The following PCDHGA1 variants were observed in gnomAD, a reference collection of about 807,000 sequenced individuals.
PCDHGA1 encodes protocadherin gamma subfamily A, 1.
Under a neutral mutation model 58.0 loss-of-function variants are expected in PCDHGA1, and 32 were observed. The observed-to-expected ratio is 0.55, with a 90% CI of 0.42 to 0.74. PCDHGA1 has a LOEUF of 0.74. Ranked by LOEUF, PCDHGA1 falls within the 30% of genes least tolerant of loss-of-function variation. The pLI, the probability that PCDHGA1 is intolerant of heterozygous loss-of-function variation, is 0.00. For missense variants in PCDHGA1, 1,205 were observed against 1,182.3 expected (o/e 1.02, Z -0.28); for synonymous variants, 498 against 501.1 (o/e 0.99, Z 0.08).
chr5:141,366,642 C>T, intron 1 of PCDHGA1: 2 of 1,614,238 alleles, frequency 1.2e-6, no homozygotes, highest in Non-Finnish European at 1.7e-6. Flanking sequence ...CTGATCTTTC[C>T]CCAGCCCAAC....
chr5:141,343,606 G>A (rs746498765), intron 1 of PCDHGA1, among the ~76,000 whole-genome samples: 3 of 152,202 alleles, frequency 2.0e-5, no homozygotes, highest in Non-Finnish European at 4.4e-5. Context: ...ATTAAGGTTA[G>A]TGCATGGATT....
intron 1 of PCDHGA1, among the ~76,000 whole-genome samples, chr5:141,480,796 C>G (rs1007525949): frequency 2.6e-5 from 4 of 152,074 alleles, no homozygotes; most frequent in African/African-American, 7.2e-5. Flanking sequence ...ATTTGAAAAC[C>G]ACAGCTTTGG....
At chr5:141,443,475 G>T (rs994058112) in intron 1 of PCDHGA1, among the ~76,000 whole-genome samples, 1 of 152,148 alleles carries the variant, frequency 6.6e-6, no homozygotes, top group African/African-American at 2.4e-5. Flanking sequence ...GACAGAATTA[G>T]ACCCTGTCCC....
chr5:141,399,799 G>A lies in PCDHGA1; in HGVS notation c.2421+66694G>A, dbSNP rs768345936. The A allele has an allele frequency of 8.7e-6, 14 of 1,613,236 alleles. No homozygotes were observed. The South Asian group carries it at 1.5e-4, about 18-fold the overall frequency. On this transcript the variant is annotated intron_variant, in intron 1 of 3. Transcript: ENST00000517417. The stretch of plus-strand genomic sequence containing the variant: ...CGACCGAAACGACAACGCACCGCGG[G>A]TGCTGTACCCCGCGCTGGGTCCCGA...
At chr5:141,359,008 G>C (rs1212259195) in intron 1 of PCDHGA1, among the ~76,000 whole-genome samples, 1 of 152,230 alleles carries the variant, frequency 6.6e-6, no homozygotes, top group Non-Finnish European at 1.5e-5. Flanking sequence ...ACACAAATTA[G>C]TGTAATTTGA....
rs560662076 is a variant in PCDHGA1, at chr5:141,498,856, C to A, written c.2480+3991C>A. Among the ~76,000 whole-genome samples, 72 of 152,004 alleles carry A rather than the reference C, an allele frequency of 4.7e-4. 2 individuals carry two copies. Among genetic ancestry groups the A allele is most frequent in the African/African-American group, 1.7e-3 (69 of 41,430 alleles). ...GCTGAGGCAGGGGAATCGCTTGAACCCAGGAGGCGGAGGTTGCAGTGAGCT... is the reference window on the plus strand; with the variant it reads ...GCTGAGGCAGGGGAATCGCTTGAACACAGGAGGCGGAGGTTGCAGTGAGCT... On this transcript the variant is annotated intron_variant, in intron 2 of 3. Coordinates refer to ENST00000517417, the MANE Select transcript of PCDHGA1 (RefSeq NM_018912.3).
chr5:141,358,988 G>A (rs1053429010), intron 1 of PCDHGA1, among the ~76,000 whole-genome samples: 1 of 152,196 alleles, frequency 6.6e-6, no homozygotes, highest in African/African-American at 2.4e-5. Context: ...ATTCATGAAT[G>A]CATATGCTTA....
chr5:141,408,973 T>G lies in PCDHGA1; in HGVS notation c.2421+75868T>G, dbSNP rs754120948. 4.3e-5 allele frequency: 70 copies of G among 1,613,718 alleles called. No homozygotes were observed. In the Admixed American group the frequency reaches 6.5e-4, roughly 15 times the overall value. ...TTAGTCTTAGTGAAAATCTGCCCCC[T>G]GGGTCCCCTGTGTTGCAAGTGACAG... On this transcript the variant is annotated intron_variant, in intron 1 of 3. Transcript: ENST00000517417.
At chr5:141,372,031 T>G in intron 1 of PCDHGA1, 3 of 1,613,434 alleles carry the variant, frequency 1.9e-6, no homozygotes, top group Non-Finnish European at 2.5e-6. Context: ...AGCGCCAACG[T>G]GAGCCTGCGC....
chr5:141,389,177 C>T, intron 1 of PCDHGA1: 1 of 1,614,052 alleles, frequency 6.2e-7, no homozygotes. Context: ...CTCCCCTCTC[C>T]TCCAGTTCCA....
chr5:141,372,406 T>C, intron 1 of PCDHGA1: 7 of 1,614,058 alleles, frequency 4.3e-6, no homozygotes, highest in Non-Finnish European at 5.9e-6. Flanking sequence ...TTGCAAGAGA[T>C]ACAACCTGAC....
intron 1 of PCDHGA1, chr5:141,370,714 A>C: frequency 6.2e-7 from 1 of 1,613,830 alleles, no homozygotes. Context: ...CTGGAATTTG[A>C]AATGGTTGCT....
chr5:141,427,355 C>A (rs765449381), intron 1 of PCDHGA1: 9 of 457,430 alleles, frequency 2.0e-5, no homozygotes, highest in Non-Finnish European at 3.5e-5. Context: ...TAACTGAGGA[C>A]GCAGAACCCT....
In PCDHGA1 at chr5:141,485,457, T is replaced by G; in HGVS notation, c.2422-9350T>G. 1 of 1,614,124 alleles carries G rather than the reference T, an allele frequency of 6.2e-7. No individual in the cohort carries two copies. Among genetic ancestry groups the G allele is most frequent in the Non-Finnish European group, 8.5e-7 (1 of 1,180,020 alleles). On this transcript the variant is annotated intron_variant, in intron 1 of 3. Coordinates refer to ENST00000517417, the MANE Select transcript of PCDHGA1 (RefSeq NM_018912.3). This position sits in a 1 kb window ranked among gnomAD's most constrained non-coding sequence, Gnocchi z 5.7. ...AAGAACCCAATCGACCGAGAGGCAC[T>G]GTGTGGGCTCAGTGCCAGCTGCATC...
intron 1 of PCDHGA1, among the ~76,000 whole-genome samples, chr5:141,368,532 G>A (rs768576370): frequency 6.6e-6 from 1 of 152,082 alleles, no homozygotes; most frequent in Non-Finnish European, 1.5e-5. Context: ...GTGAAAACTT[G>A]CTTTTCCATT....
Position 141,432,108 on chromosome 5 carries a change from C to T in PCDHGA1, c.2422-62699C>T, listed in dbSNP as rs1432933024. The T allele has an allele frequency of 1.9e-6, 3 of 1,614,180 alleles. No homozygotes were observed. The highest frequency in any genetic ancestry group is 1.7e-5 in the Admixed American group (1 of 60,020). Reference sequence around the variant, plus strand: ...GTGGCAGACACCAACGACAACCCGCCGGTCTTCCCTCAGGCCTCCTATTCC... The same window carrying T: ...GTGGCAGACACCAACGACAACCCGCTGGTCTTCCCTCAGGCCTCCTATTCC... On this transcript the variant is annotated intron_variant, in intron 1 of 3. Coordinates refer to ENST00000517417, the MANE Select transcript of PCDHGA1 (RefSeq NM_018912.3). The surrounding 1 kb of genome is among the most constrained non-coding windows in gnomAD (Gnocchi z 6.0).
chr5:141,367,098 G>A, intron 1 of PCDHGA1: 1 of 248,510 alleles, frequency 4.0e-6, no homozygotes. Flanking sequence ...TCTTTTGAGT[G>A]TCTGCCTAGA....
chr5:141,456,020 C>T (rs2098840631), intron 1 of PCDHGA1, among the ~76,000 whole-genome samples: 1 of 151,834 alleles, frequency 6.6e-6, no homozygotes, highest in South Asian at 2.1e-4. Flanking sequence ...GCCTCAGCCT[C>T]CCGAGTAGCT....
chr5:141,486,730 T>G lies in PCDHGA1; in HGVS notation c.2422-8077T>G, dbSNP rs775081505. On this transcript the variant is annotated intron_variant, in intron 1 of 3. Coordinates refer to ENST00000517417, the MANE Select transcript of PCDHGA1 (RefSeq NM_018912.3). This position sits in a 1 kb window ranked among gnomAD's most constrained non-coding sequence, Gnocchi z 5.0. ...ACCCCCAGACAGGAGCTGTTCATGC[T>G]ACTCGATCCTTTGACTATGAGCAAA... is the stretch of plus-strand genomic sequence containing the variant. 6.2e-7 allele frequency: 1 copy of G among 1,614,238 alleles called. No individual in the cohort carries two copies. The highest frequency in any genetic ancestry group is 8.5e-7 in the Non-Finnish European group (1 of 1,180,042).
Sources: gnomAD v4.1 joint callset for allele counts (sites outside exome capture counted in the v4.1 genomes callset) on GRCh38, gnomAD v4.1.1 for gene constraint, Gnocchi (gnomAD v3.1) non-coding constraint, MANE v1.5 for transcripts, NCBI Gene and HGNC (gene_info 2026-07-23, HGNC 2026-07-21) for gene names.